Variants in MPDZ observed in about 807,000 individuals in gnomAD.
MPDZ encodes multiple PDZ domain crumbs cell polarity complex component, also known as multiple PDZ domain protein.
In MPDZ, 234 loss-of-function variants were observed where a neutral mutation model predicts 239.1. That is an observed-to-expected ratio of 0.98 (90% CI 0.88 to 1.09). MPDZ has a LOEUF of 1.09. Ranked by LOEUF, MPDZ falls within the 50% of genes least tolerant of loss-of-function variation. The probability of loss-of-function intolerance (pLI) is 0.00; values close to 1 mark genes in which losing one functional copy is unlikely to be tolerated. For missense variants in MPDZ, 3,175 were observed against 2,510.0 expected, an observed-to-expected ratio of 1.26 and a Z score of -5.66; for synonymous variants, 1,048 against 881.3, an observed-to-expected ratio of 1.19 and a Z score of -3.35.
At chr9:13,199,664 G>C (rs1956147504) in intron 12 of MPDZ, among the ~76,000 whole-genome samples, 1 of 152,012 alleles carries the variant, frequency 6.6e-6, no homozygotes, top group South Asian at 2.1e-4. Flanking sequence ...TTATTCTGAG[G>C]CATGTTCTTT....
In MPDZ at chr9:13,223,712, T is replaced by C. The variant is rs751228563; in HGVS notation, c.394-2A>G. On this transcript the variant is annotated splice_acceptor_variant, in intron 4 of 46. Coordinates refer to ENST00000319217, the MANE Select transcript of MPDZ (RefSeq NM_001378778.1). LOFTEE classifies it high-confidence loss of function. Reference sequence around the variant, plus strand: ...CTCAAAAACTTCTACATGGCGACCCTGTTTAGGAAACAAAGCAAGAAATAA... The same window carrying C: ...CTCAAAAACTTCTACATGGCGACCCCGTTTAGGAAACAAAGCAAGAAATAA... 6.3e-7 allele frequency: 1 copy of C among 1,591,936 alleles called. No individual in the cohort carries two copies. Among genetic ancestry groups the C allele is most frequent in the South Asian group, 1.1e-5 (1 of 88,410 alleles).
In MPDZ at chr9:13,110,659, C is replaced by G; in HGVS notation, c.5806G>C (p.Ala1936Pro). ...ACCTGCATTTCAATGGAGCCAGATG[C>G]ATTTTTCAGTAGGTTAACTGCTTGG... ...HTQAVNLLKNASGSIEMQVVA... is the reference protein window; with the variant it reads ...HTQAVNLLKNPSGSIEMQVVA... Residue 1936 changes from alanine to proline, a missense_variant, in exon 44 of 47, where the codon GCA becomes CCA. Transcript: ENST00000319217. 2.5e-6 allele frequency: 4 copies of G among 1,613,636 alleles called. No homozygotes were observed. The highest frequency in any genetic ancestry group is 3.4e-6 in the Non-Finnish European group (4 of 1,179,716).
chr9:13,254,483 A>C (rs1968923643), intron 1 of MPDZ, among the ~76,000 whole-genome samples: 2 of 152,206 alleles, frequency 1.3e-5, no homozygotes, highest in Admixed American at 6.5e-5. Flanking sequence ...GTAATTGTTC[A>C]ATTTTATTAT....
At chr9:13,201,383 T>C (rs566869891) in intron 12 of MPDZ, among the ~76,000 whole-genome samples, 8 of 152,106 alleles carry the variant, frequency 5.3e-5, no homozygotes, top group African/African-American at 1.9e-4. Flanking sequence ...AGTCTGATTA[T>C]GATGTGCCTT....
In MPDZ at chr9:13,196,207, T is replaced by A. The variant is rs900924639; in HGVS notation, c.1570A>T (p.Ile524Leu). The part of the protein sequence containing the change: ...EEGYPLLSAE[I>L]EEIEDAQKQE... ...TTTTGTGCATCTTCTATTTCTTCTATCTCAGCTGACAGTAATGGATACCCT... is the reference window on the plus strand; with the variant it reads ...TTTTGTGCATCTTCTATTTCTTCTAACTCAGCTGACAGTAATGGATACCCT... The change falls in exon 13 of 47, where the codon ATA becomes TTA. Residue 524 changes from isoleucine (I) to leucine (L), a missense_variant. Coordinates refer to ENST00000319217, the MANE Select transcript of MPDZ (RefSeq NM_001378778.1). 6 of 1,594,264 alleles carry A rather than the reference T, an allele frequency of 3.8e-6. No homozygotes were observed. In the African/African-American group the frequency reaches 6.7e-5, roughly 18 times the overall value.
At chr9:13,223,451 A>G (rs572751828) in intron 5 of MPDZ, 120 bp downstream of exon 5, 48 of 1,211,786 alleles carry the variant, frequency 4.0e-5, no homozygotes, top group East Asian at 7.9e-5. Context: ...AAACTGGTTA[A>G]TAACAGATTA....
chr9:13,175,847 G>T lies in MPDZ; in HGVS notation c.2960C>A (p.Ser987Tyr). The change falls in exon 21 of 47, where the codon TCC becomes TAC. Residue 987 changes from serine (S) to tyrosine (Y), a missense_variant. Physicochemically the swap from Ser to Tyr is moderately radical, Grantham distance 144. Transcript: ENST00000319217. ...KGSEYLLEQS[S>Y]LACNAECVML... ...GACACACTCAGCATTACAGGCCAGG[G>T]AGCTCTGTTCAAGCAGGTACTCAGA... 1 of 1,593,822 alleles carries T rather than the reference G, an allele frequency of 6.3e-7. No individual in the cohort carries two copies. The highest frequency in any genetic ancestry group is 1.1e-5 in the South Asian group (1 of 87,366).
chr9:13,144,089 G>A lies in MPDZ; in HGVS notation c.3742-525C>T, dbSNP rs188939064. Among the ~76,000 whole-genome samples, 280 of 152,000 alleles carry A rather than the reference G, an allele frequency of 1.8e-3. 2 individuals carry two copies. Among genetic ancestry groups the A allele is most frequent in the Middle Eastern group, 6.8e-3 (2 of 294 alleles). On this transcript the variant is annotated intron_variant, in intron 26 of 46. Transcript: ENST00000319217. Reference sequence around the variant, plus strand: ...TTCCATATTTTGACTGGATATTAAAGTGCTTCAGAGCAATTGTATTTTTTA... The same window carrying A: ...TTCCATATTTTGACTGGATATTAAAATGCTTCAGAGCAATTGTATTTTTTA...
chr9:13,156,008 G>C (rs987312379), intron 24 of MPDZ, among the ~76,000 whole-genome samples: 1 of 152,114 alleles, frequency 6.6e-6, no homozygotes, highest in African/African-American at 2.4e-5. Context: ...CAGAAGTTAT[G>C]TTCTTCTTTC....
chr9:13,216,860 GTTC>G lies in MPDZ; in HGVS notation c.1202-1_1203del. ...ATGCTCTTTACAAAGATTCCTGAAG[GTTC>G]TAAGATTAGAAATAGTTTATTTTTC... On this transcript the variant is annotated splice_acceptor_variant and coding_sequence_variant, in exon 10 of 47. Coordinates refer to ENST00000319217, the MANE Select transcript of MPDZ (RefSeq NM_001378778.1). LOFTEE classifies it high-confidence loss of function. The G allele has an allele frequency of 1.2e-6, 2 of 1,606,352 alleles. No individual in the cohort carries two copies. Among genetic ancestry groups the G allele is most frequent in the Non-Finnish European group, 8.5e-7 (1 of 1,175,748 alleles).
In MPDZ at chr9:13,221,377, C is replaced by A. The variant is rs1959075066; in HGVS notation, c.871G>T (p.Asp291Tyr). The part of the protein sequence containing the change: ...VKTILPGGVA[D>Y]QHGRLCSGDH... ...GATCTATTGATGTAGCCTACCTGATCAGCTACTCCTCCAGGCAGAATGGTT... is the reference window on the plus strand; with the variant it reads ...GATCTATTGATGTAGCCTACCTGATAAGCTACTCCTCCAGGCAGAATGGTT... Residue 291 changes from aspartate (D) to tyrosine (Y), a missense_variant, in exon 7 of 47, where the codon GAT (aspartate) becomes TAT (tyrosine). Physicochemically the swap from Asp to Tyr is radical, Grantham distance 160. Coordinates refer to ENST00000319217, the MANE Select transcript of MPDZ (RefSeq NM_001378778.1). 6.2e-7 allele frequency: 1 copy of A among 1,607,258 alleles called. No homozygotes were observed. Among genetic ancestry groups the A allele is most frequent in the Non-Finnish European group, 8.5e-7 (1 of 1,176,238 alleles).
chr9:13,230,287 C>T (rs1478607142), intron 3 of MPDZ, among the ~76,000 whole-genome samples: 1 of 152,054 alleles, frequency 6.6e-6, no homozygotes, highest in Non-Finnish European at 1.5e-5. Flanking sequence ...TACAATCTAG[C>T]AATTGCACTC....
chr9:13,258,229 CAT>C (rs1969892565), intron 1 of MPDZ, among the ~76,000 whole-genome samples: 1 of 152,210 alleles, frequency 6.6e-6, no homozygotes, highest in South Asian at 2.1e-4. Context: ...GCGTTTGAAA[CAT>C]AACACAAACC....
chr9:13,172,855 T>A (rs1951972481), intron 21 of MPDZ, among the ~76,000 whole-genome samples: 1 of 152,170 alleles, frequency 6.6e-6, no homozygotes, highest in South Asian at 2.1e-4. Flanking sequence ...ATATTTTATA[T>A]CAAAACTTAA....
intron 7 of MPDZ, among the ~76,000 whole-genome samples, chr9:13,220,315 T>A (rs142833163): frequency 6.6e-6 from 1 of 151,964 alleles, no homozygotes; most frequent in African/African-American, 2.4e-5. Context: ...TGAGCCTCCA[T>A]ACACATGCAG....
intron 32 of MPDZ, among the ~76,000 whole-genome samples, chr9:13,131,809 C>G (rs1206436877): frequency 6.6e-6 from 1 of 152,154 alleles, no homozygotes; most frequent in Non-Finnish European, 1.5e-5. Context: ...TTGTCAGCCT[C>G]TTTCTTCAGG....
chr9:13,137,867 A>G, intron 29 of MPDZ, 90 bp downstream of exon 29: 1 of 1,298,336 alleles, frequency 7.7e-7, no homozygotes, highest in Admixed American at 2.4e-5. Context: ...TTTCTCAGTC[A>G]CTATAAGGTA....
At chr9:13,217,627 G>A (rs2136154376) in intron 8 of MPDZ, among the ~76,000 whole-genome samples, 1 of 151,940 alleles carries the variant, frequency 6.6e-6, no homozygotes, top group African/African-American at 2.4e-5. Flanking sequence ...AATTTCTGGA[G>A]AAGTCAGGAT....
intron 46 of MPDZ, among the ~76,000 whole-genome samples, chr9:13,107,628 C>G (rs1445373228): frequency 6.6e-6 from 1 of 152,114 alleles, no homozygotes; most frequent in Non-Finnish European, 1.5e-5. Flanking sequence ...AAATTTAAAA[C>G]CCACTGCTAT....
Sources: allele counts gnomAD v4.1 joint callset (sites outside exome capture counted in the v4.1 genomes callset), GRCh38; gene constraint gnomAD v4.1.1; transcripts MANE v1.5; gene names NCBI Gene and HGNC (gene_info 2026-07-23, HGNC 2026-07-21).